The following PCDHGB1 variants were observed in gnomAD, a reference collection of about 807,000 sequenced individuals.
PCDHGB1 encodes the protein protocadherin gamma-B1.
PCDHGB1 carries 34 observed loss-of-function variants against 56.6 expected under a neutral mutation model. That is an observed-to-expected ratio of 0.60 (90% CI 0.46 to 0.80). The LOEUF is 0.80. Among genes scored for constraint, PCDHGB1 ranks in the 30% least tolerant of loss-of-function variants. PCDHGB1 has a pLI of 0.00. For missense variants in PCDHGB1, 1,278 were observed against 1,204.6 expected (o/e 1.06, Z -0.90); for synonymous variants, 561 against 505.9 (o/e 1.11, Z -1.46).
At chr5:141,354,636 C>T (rs1432880268) in intron 1 of PCDHGB1, among the ~76,000 whole-genome samples, 2 of 152,202 alleles carry the variant, frequency 1.3e-5, no homozygotes, top group African/African-American at 4.8e-5. Context: ...TTATCTGTCT[C>T]ATCCATTTTT....
intron 1 of PCDHGB1, chr5:141,402,990 T>A (rs773089843): frequency 1.6e-5 from 26 of 1,611,934 alleles, no homozygotes; most frequent in Non-Finnish European, 2.0e-5. Context: ...CGCGGAAGAT[T>A]AGTCCTGCTA....
At chr5:141,352,805 G>T in intron 1 of PCDHGB1, 136 bp downstream of exon 1, 1 of 888,810 alleles carries the variant, frequency 1.1e-6, no homozygotes, top group South Asian at 1.8e-5. Context: ...GCATAGCCAA[G>T]ATGGTAAAAC....
chr5:141,491,311 A>G lies in PCDHGB1; in HGVS notation c.2410-3496A>G. On this transcript the variant is annotated intron_variant, in intron 1 of 3. Transcript: ENST00000523390. This position sits in a 1 kb window ranked among gnomAD's most constrained non-coding sequence, Gnocchi z 6.9. The stretch of plus-strand genomic sequence containing the variant: ...ACACCCTCCTGAGCGTTCAGACCTT[A>G]CCCTTTACCTCATTGTGGCTCTAGC... 1 of 1,613,932 alleles carries G rather than the reference A, an allele frequency of 6.2e-7. No homozygotes were observed. Among genetic ancestry groups the G allele is most frequent in the Non-Finnish European group, 8.5e-7 (1 of 1,179,940 alleles).
intron 1 of PCDHGB1, chr5:141,371,043 G>T: frequency 1.2e-6 from 2 of 1,613,966 alleles, no homozygotes; most frequent in Non-Finnish European, 1.7e-6. Flanking sequence ...AGCTGTGGAT[G>T]GGGGCGAGCC....
At chr5:141,436,473 C>CA (rs2097825744) in intron 1 of PCDHGB1, among the ~76,000 whole-genome samples, 1 of 152,112 alleles carries the variant, frequency 6.6e-6, no homozygotes, top group Non-Finnish European at 1.5e-5. Context: ...TCAGATGTAT[C>CA]ATAGAAGGAT....
intron 1 of PCDHGB1, chr5:141,366,547 C>T: frequency 6.2e-7 from 1 of 1,614,240 alleles, no homozygotes; most frequent in Non-Finnish European, 8.5e-7. Flanking sequence ...CCGCCTCGCA[C>T]TTTGTGGGCG....
In PCDHGB1 at chr5:141,351,360, T is replaced by A; in HGVS notation, c.1100T>A (p.Val367Glu). The A allele has an allele frequency of 6.2e-7, 1 of 1,613,050 alleles. No individual in the cohort carries two copies. Among genetic ancestry groups the A allele is most frequent in the Non-Finnish European group, 8.5e-7 (1 of 1,179,452 alleles). The change falls in exon 1 of 4, where the codon GTG becomes GAG. Residue 367 changes from valine (V) to glutamate (E), a missense_variant. Coordinates refer to ENST00000523390, the MANE Select transcript of PCDHGB1 (RefSeq NM_018922.3). ...DLGTVIALIKVRDKDSGQNGM... is the reference protein window; with the variant it reads ...DLGTVIALIKERDKDSGQNGM... ...GGAACTGTAATAGCCCTCATAAAAG[T>A]GCGAGACAAGGATTCTGGGCAAAAT...
In PCDHGB1 at chr5:141,470,146, A is replaced by G. The variant is rs181633492; in HGVS notation, c.2410-24661A>G. On this transcript the variant is annotated intron_variant, in intron 1 of 3. Coordinates refer to ENST00000523390, the MANE Select transcript of PCDHGB1 (RefSeq NM_018922.3). ...TTCGTCTCAAAAAAAAAGATCATAG[A>G]TCATCTTATCAAATCAAAGTATGCA... Among the ~76,000 whole-genome samples, 102 of 152,308 alleles carry G rather than the reference A, an allele frequency of 6.7e-4. 2 individuals carry two copies. Among genetic ancestry groups the G allele is most frequent in the African/African-American group, 2.4e-3 (99 of 41,558 alleles).
rs1221134827 is a variant in PCDHGB1 at position 141,374,345 on chromosome 5, G to T, written c.2409+21676G>T. ...GCGAAACGGCAGCTTGGTCACCGCGGGTAGGATAGACCGCGAGGAGCTCTG... is the reference window on the plus strand; with the variant it reads ...GCGAAACGGCAGCTTGGTCACCGCGTGTAGGATAGACCGCGAGGAGCTCTG... On this transcript the variant is annotated intron_variant, in intron 1 of 3. Coordinates refer to ENST00000523390, the MANE Select transcript of PCDHGB1 (RefSeq NM_018922.3). The T allele has an allele frequency of 3.7e-6, 6 of 1,613,900 alleles. No homozygotes were observed. The African/African-American group carries it at 8.0e-5, about 22-fold the overall frequency.
chr5:141,374,295 G>A (rs758241355), intron 1 of PCDHGB1: 3 of 1,613,962 alleles, frequency 1.9e-6, no homozygotes, highest in East Asian at 2.2e-5. Context: ...TCCAGAGGTA[G>A]GATGCAGCTT....
chr5:141,400,476 C>T (rs2094027348), intron 1 of PCDHGB1: 2 of 1,613,846 alleles, frequency 1.2e-6, no homozygotes, highest in African/African-American at 2.7e-5. Context: ...CATCTGGGGC[C>T]TTATTTCCAC....
chr5:141,489,962 C>A lies in PCDHGB1; in HGVS notation c.2410-4845C>A. The A allele has an allele frequency of 6.2e-7, 1 of 1,614,184 alleles. No individual in the cohort carries two copies. The highest frequency in any genetic ancestry group is 8.5e-7 in the Non-Finnish European group (1 of 1,180,008). ...CTGGACATCAATGATAATGCTCCAA[C>A]CTTCCAATCCTCAGTTCTACGTGTG... is the stretch of plus-strand genomic sequence containing the variant. On this transcript the variant is annotated intron_variant, in intron 1 of 3. Transcript: ENST00000523390. This position sits in a 1 kb window ranked among gnomAD's most constrained non-coding sequence, Gnocchi z 4.5.
chr5:141,427,381 T>G (rs1315804574), intron 1 of PCDHGB1: 1 of 458,822 alleles, frequency 2.2e-6, no homozygotes, highest in Middle Eastern at 3.2e-4. Context: ...GTGATCACTC[T>G]GTTCAAAACA....
In PCDHGB1 at chr5:141,430,843, C is replaced by T. The variant is rs1370427603; in HGVS notation, c.2410-63964C>T. 2.6e-6 allele frequency: 4 copies of T among 1,568,356 alleles called. No homozygotes were observed. The African/African-American group carries it at 4.1e-5, about 16-fold the overall frequency. On this transcript the variant is annotated intron_variant, in intron 1 of 3. Coordinates refer to ENST00000523390, the MANE Select transcript of PCDHGB1 (RefSeq NM_018922.3). ...TGGGGACTCTGTGGGAGACCGGATG[C>T]ACCCAGATACGCTATTCAGTTCCGG...
At chr5:141,413,306 A>G in intron 1 of PCDHGB1, 1 of 1,613,958 alleles carries the variant, frequency 6.2e-7, no homozygotes, top group Non-Finnish European at 8.5e-7. Context: ...GAGGAATTAG[A>G]GAAAGGCTCT....
rs1759061031 is a variant in PCDHGB1, at chr5:141,352,622, A to G, written c.2362A>G (p.Ser788Gly). The change falls in exon 1 of 4, where the codon AGT becomes GGT. Residue 788 changes from serine (S) to glycine (G), a missense_variant. Coordinates refer to ENST00000523390, the MANE Select transcript of PCDHGB1 (RefSeq NM_018922.3). ...CDDPSMVVCA[S>G]NEDHKIAYDP... ...TGATCCTTCTATGGTTGTATGTGCC[A>G]GTAATGAAGATCACAAAATCGCTTA... The G allele has an allele frequency of 1.2e-6, 2 of 1,612,412 alleles. No homozygotes were observed. The highest frequency in any genetic ancestry group is 1.7e-5 in the Admixed American group (1 of 59,786).
rs201372696 is a variant in PCDHGB1, at chr5:141,400,469, C to T, written c.2409+47800C>T. On this transcript the variant is annotated intron_variant, in intron 1 of 3. Coordinates refer to ENST00000523390, the MANE Select transcript of PCDHGB1 (RefSeq NM_018922.3). ...CAAGACATACTTTGTGGTGATTCATCTGGGGCCTTATTTCCACTTTGTAAT... is the reference window on the plus strand; with the variant it reads ...CAAGACATACTTTGTGGTGATTCATTTGGGGCCTTATTTCCACTTTGTAAT... 15 of 1,613,944 alleles carry T rather than the reference C, an allele frequency of 9.3e-6. No individual in the cohort carries two copies. The African/African-American group carries it at 1.9e-4, about 20-fold the overall frequency.
At chr5:141,471,111 C>T (rs529680278) in intron 1 of PCDHGB1, among the ~76,000 whole-genome samples, 1 of 146,150 alleles carries the variant, frequency 6.8e-6, no homozygotes, top group African/African-American at 2.6e-5. Flanking sequence ...TGCAGTGGTG[C>T]GATCTTACCT....
intron 1 of PCDHGB1, among the ~76,000 whole-genome samples, chr5:141,353,347 CATTA>C (rs1036670182): frequency 5.9e-5 from 9 of 152,262 alleles, no homozygotes; most frequent in African/African-American, 1.9e-4. Flanking sequence ...TCATCAATTA[CATTA>C]ATTATGTAAT....
Sources: allele counts gnomAD v4.1 joint callset (sites outside exome capture counted in the v4.1 genomes callset), GRCh38; gene constraint gnomAD v4.1.1; non-coding constraint Gnocchi (gnomAD v3.1); transcripts MANE v1.5; gene names NCBI Gene and HGNC (gene_info 2026-07-23, HGNC 2026-07-21).